The following RALGPS1 variants were observed in gnomAD, a reference collection of about 807,000 sequenced individuals.
The protein encoded by RALGPS1 is Ral GEF with PH domain and SH3 binding motif 1.
Under a neutral mutation model 78.8 loss-of-function variants are expected in RALGPS1, and 19 were observed. The observed-to-expected ratio is 0.24, with a 90% CI of 0.17 to 0.35. The LOEUF is 0.35. RALGPS1 is among the 10% of genes least tolerant of loss of function. The probability of loss-of-function intolerance (pLI) is 1.00; values close to 1 mark genes in which losing one functional copy is unlikely to be tolerated. For synonymous variants in RALGPS1, 228 were observed against 256.3 expected, an observed-to-expected ratio of 0.89 and a Z score of 1.06; for missense variants, 454 against 688.3, an observed-to-expected ratio of 0.66 and a Z score of 3.81.
rs551324133 is a variant in RALGPS1 at position 127,095,164 on chromosome 9, T to C, written c.610+25808T>C. On this transcript the variant is annotated intron_variant, in intron 8 of 18. Transcript: ENST00000259351. The stretch of plus-strand genomic sequence containing the variant: ...CTGTAATCCCAGCACTTTGGGAGGC[T>C]GAGGCAGGCAGATCACAAAGTCAGG... Among the ~76,000 whole-genome samples the C allele has an allele frequency of 5.9e-5, 9 of 152,338 alleles. No homozygotes were observed. In the East Asian group the frequency reaches 1.7e-3, roughly 29 times the overall value.
intron 3 of RALGPS1, among the ~76,000 whole-genome samples, chr9:126,968,423 G>A (rs1443909050): frequency 1.3e-5 from 2 of 152,332 alleles, no homozygotes; most frequent in East Asian, 3.9e-4. Context: ...TATTGGCAGA[G>A]CCAGGTCTGA....
At chr9:126,927,494 T>C (rs2035393460) in intron 1 of RALGPS1, among the ~76,000 whole-genome samples, 1 of 152,184 alleles carries the variant, frequency 6.6e-6, no homozygotes, top group South Asian at 2.1e-4. Flanking sequence ...ATTGCCCTGC[T>C]ACCTAGAGCT....
chr9:127,129,413 A>G (rs1177864996), intron 8 of RALGPS1, among the ~76,000 whole-genome samples: 1 of 152,162 alleles, frequency 6.6e-6, no homozygotes, highest in African/African-American at 2.4e-5. Context: ...AACAGGAGAC[A>G]AGGTACTGAG....
rs754850420 is a variant in RALGPS1 at position 127,212,738 on chromosome 9, C to A, written c.1446+19C>A. On this transcript the variant is annotated intron_variant, in intron 16 of 18. Transcript: ENST00000259351. The surrounding 1 kb of genome is among the most constrained non-coding windows in gnomAD (Gnocchi z 6.0). The stretch of plus-strand genomic sequence containing the variant: ...AAAACACGTAAGTCCCTTGAAAGGA[C>A]TCTAGTGCTGGGACTTCCTCTAGTG... 1.3e-6 allele frequency: 2 copies of A among 1,590,408 alleles called. No individual in the cohort carries two copies. The highest frequency in any genetic ancestry group is 1.7e-6 in the Non-Finnish European group (2 of 1,159,760).
chr9:126,921,678 C>T (rs536694110), intron 1 of RALGPS1, among the ~76,000 whole-genome samples: 3 of 152,284 alleles, frequency 2.0e-5, no homozygotes, highest in South Asian at 4.1e-4. Context: ...TGTCCTGACA[C>T]CATCACTCAC....
chr9:126,970,813 A>G (rs2040035233), intron 3 of RALGPS1, among the ~76,000 whole-genome samples: 1 of 152,242 alleles, frequency 6.6e-6, no homozygotes, highest in Non-Finnish European at 1.5e-5. Context: ...ATTGCTGTCA[A>G]ATCTCATTCA....
intron 8 of RALGPS1, among the ~76,000 whole-genome samples, chr9:127,077,544 G>A (rs777508337): frequency 6.6e-6 from 1 of 152,234 alleles, no homozygotes; most frequent in African/African-American, 2.4e-5. Flanking sequence ...AGTGGTGGCC[G>A]TTGCCCCCTT....
intron 1 of RALGPS1, among the ~76,000 whole-genome samples, chr9:126,943,800 T>A (rs1319848385): frequency 6.6e-6 from 1 of 152,184 alleles, no homozygotes; most frequent in Non-Finnish European, 1.5e-5. Context: ...TTCCTTCTTG[T>A]TTTAAGGGAA....
intron 1 of RALGPS1, among the ~76,000 whole-genome samples, chr9:126,957,527 G>T (rs1394326918): frequency 6.6e-6 from 1 of 152,140 alleles, no homozygotes; most frequent in Non-Finnish European, 1.5e-5. Flanking sequence ...TCTCTGTTAG[G>T]CCTGGATTGA....
intron 1 of RALGPS1, among the ~76,000 whole-genome samples, chr9:126,918,238 C>G (rs2034376194): frequency 6.6e-6 from 1 of 152,208 alleles, no homozygotes; most frequent in Non-Finnish European, 1.5e-5. Flanking sequence ...TAAATTCATT[C>G]AATTTTTGTT....
At chr9:127,029,752 C>G (rs557608142) in intron 4 of RALGPS1, among the ~76,000 whole-genome samples, 2 of 152,212 alleles carry the variant, frequency 1.3e-5, no homozygotes, top group African/African-American at 4.8e-5. Context: ...TGTCACCACT[C>G]CCCAGTCTCC....
Position 127,218,175 on chromosome 9 carries a change from G to A in RALGPS1, c.1645-565G>A, listed in dbSNP as rs1381556388. ...CTTTTGGGGGTGGCAGAAACACTCT[G>A]ACCTTGGGGCTAGTGGTCCCGCCAG... On this transcript the variant is annotated intron_variant, in intron 18 of 18. Transcript: ENST00000259351. This position sits in a 1 kb window ranked among gnomAD's most constrained non-coding sequence, Gnocchi z 4.4. Among the ~76,000 whole-genome samples, 1 of 152,134 alleles carries A rather than the reference G, an allele frequency of 6.6e-6. No individual in the cohort carries two copies. The highest frequency in any genetic ancestry group is 1.9e-4 in the East Asian group (1 of 5,196).
chr9:127,046,883 A>T (rs974091995), intron 5 of RALGPS1, among the ~76,000 whole-genome samples: 7 of 152,172 alleles, frequency 4.6e-5, no homozygotes, highest in East Asian at 1.9e-4. Context: ...GAACAAAAAA[A>T]GTTAACTGAA....
rs538102793 is a variant in RALGPS1, at chr9:127,027,424, A to G, written c.217-7007A>G. Among the ~76,000 whole-genome samples the G allele has an allele frequency of 5.9e-5, 9 of 152,338 alleles. No homozygotes were observed. The South Asian group carries it at 1.9e-3, about 32-fold the overall frequency. Reference sequence around the variant, plus strand: ...TGAAACTTGTTTTTAATCATGGACTAACTTCATTGTTCTCTCACATATTTC... The same window carrying G: ...TGAAACTTGTTTTTAATCATGGACTGACTTCATTGTTCTCTCACATATTTC... On this transcript the variant is annotated intron_variant, in intron 4 of 18. Coordinates refer to ENST00000259351, the MANE Select transcript of RALGPS1 (RefSeq NM_014636.3).
intron 1 of RALGPS1, among the ~76,000 whole-genome samples, chr9:126,950,665 A>G (rs2037726416): frequency 6.6e-6 from 1 of 152,128 alleles, no homozygotes; most frequent in South Asian, 2.1e-4. Flanking sequence ...CATTCAAAGC[A>G]GTGTGTAGAG....
chr9:126,965,758 C>T lies in RALGPS1; in HGVS notation c.58-86C>T, dbSNP rs1048137715. 9 of 991,310 alleles carry T rather than the reference C, an allele frequency of 9.1e-6. No homozygotes were observed. The Admixed American group carries it at 1.4e-4, about 16-fold the overall frequency. The allele number at this position is 991,310 out of a possible 1,614,324, so 61.4% of individuals were successfully genotyped here. On this transcript the variant is annotated intron_variant, in intron 2 of 18. Coordinates refer to ENST00000259351, the MANE Select transcript of RALGPS1 (RefSeq NM_014636.3). ...TTTTATTGTACTATTCCATTGCTCT[C>T]CCATCCTGAATTCCGAGGAGGTTTG...
At chr9:127,033,678 A>C (rs1055355745) in intron 4 of RALGPS1, among the ~76,000 whole-genome samples, 1 of 152,178 alleles carries the variant, frequency 6.6e-6, no homozygotes, top group Non-Finnish European at 1.5e-5. Flanking sequence ...GGGCATTTGG[A>C]TGATGGCTTC....
At chr9:127,103,384 TGTG>T (rs1239846643) in intron 8 of RALGPS1, among the ~76,000 whole-genome samples, 1 of 152,210 alleles carries the variant, frequency 6.6e-6, no homozygotes, top group Non-Finnish European at 1.5e-5. Context: ...GACCTCCTCA[TGTG>T]GTCCCAAGGG....
chr9:126,943,711 C>G (rs2036986464), intron 1 of RALGPS1, among the ~76,000 whole-genome samples: 1 of 152,164 alleles, frequency 6.6e-6, no homozygotes, highest in Admixed American at 6.5e-5. Flanking sequence ...TGAAGTCTTT[C>G]TCCTACCGCT....
Sources: allele counts gnomAD v4.1 joint callset (sites outside exome capture counted in the v4.1 genomes callset), GRCh38; gene constraint gnomAD v4.1.1; non-coding constraint Gnocchi (gnomAD v3.1); transcripts MANE v1.5; gene names NCBI Gene and HGNC (gene_info 2026-07-23, HGNC 2026-07-21).